Variants in TIAM1 observed in about 807,000 individuals in gnomAD.
TIAM1 encodes rho guanine nucleotide exchange factor TIAM1.
Under a neutral mutation model 163.5 loss-of-function variants are expected in TIAM1, and 65 were observed. The ratio of observed to expected loss-of-function variants is 0.40; its 90% confidence interval spans 0.33 to 0.49. The LOEUF is 0.49. Ranked by LOEUF, TIAM1 falls within the 20% of genes least tolerant of loss-of-function variation. The probability of loss-of-function intolerance (pLI) is 0.77; values close to 1 mark genes in which losing one functional copy is unlikely to be tolerated. For synonymous variants in TIAM1, 833 were observed against 810.1 expected (o/e 1.03, Z -0.48); for missense variants, 1,789 against 2,044.7 (o/e 0.87, Z 2.41).
intron 1 of TIAM1, among the ~76,000 whole-genome samples, chr21:31,471,727 G>A (rs1569361109): frequency 6.6e-6 from 1 of 152,116 alleles, no homozygotes; most frequent in Admixed American, 6.5e-5. Flanking sequence ...AAATTAGCCA[G>A]GCATGGTGGT....
chr21:31,168,096 T>TA (rs1165219520), intron 15 of TIAM1, among the ~76,000 whole-genome samples: 2 of 110,606 alleles, frequency 1.8e-5, no homozygotes, highest in Admixed American at 8.4e-5. Context: ...TTCTTATTAT[T>TA]TTTTTTTTTT....
At chr21:31,123,037 A>G (rs1450529332) in intron 27 of TIAM1, among the ~76,000 whole-genome samples, 3 of 152,246 alleles carry the variant, frequency 2.0e-5, no homozygotes, top group Admixed American at 6.5e-5. Flanking sequence ...AGATCTTTCA[A>G]TCAGCTAAAT....
In TIAM1 at chr21:31,411,959, G is replaced by A. The variant is rs141987508; in HGVS notation, c.-369+52024C>T. Among the ~76,000 whole-genome samples the A allele has an allele frequency of 2.0e-3, 292 of 147,874 alleles. 2 individuals carry two copies. Among genetic ancestry groups the A allele is most frequent in the African/African-American group, 6.9e-3 (283 of 41,298 alleles). On this transcript the variant is annotated intron_variant, in intron 2 of 28. Transcript: ENST00000286827. ...ACGGCTACCCAAAGGAAAAGAAATC[G>A]TTATATCAGAAAGACACCTGCATTT...
intron 2 of TIAM1, among the ~76,000 whole-genome samples, chr21:31,295,276 C>T (rs898172054): frequency 1.3e-5 from 2 of 152,060 alleles, no homozygotes; most frequent in Non-Finnish European, 2.9e-5. Flanking sequence ...CGAGACCATC[C>T]CGGCTAACAC....
chr21:31,201,000 A>G (rs987587585), intron 12 of TIAM1, among the ~76,000 whole-genome samples: 1 of 152,216 alleles, frequency 6.6e-6, no homozygotes, highest in Non-Finnish European at 1.5e-5. Context: ...CAAACAGACT[A>G]AAGAGACCAC....
rs902331335 is a variant in TIAM1, at chr21:31,142,623, T to G, written c.3476-1119A>C. ...TCCAGCCTGAGTGACAGAGGGAGAC[T>G]CCGTCTCAAAAAAAAAAAAAAAAGA... On this transcript the variant is annotated intron_variant, in intron 20 of 27. Transcript: ENST00000541036. Among the ~76,000 whole-genome samples the G allele has an allele frequency of 1.1e-3, 119 of 104,106 alleles. 1 individual carries two copies. The highest frequency in any genetic ancestry group is 4.6e-3 in the African/African-American group (112 of 24,182). 68.3% of individuals were successfully genotyped at this position (104,106 alleles called of 152,430 possible).
intron 19 of TIAM1, among the ~76,000 whole-genome samples, chr21:31,150,715 A>G (rs2083334139): frequency 6.6e-6 from 1 of 152,200 alleles, no homozygotes; most frequent in African/African-American, 2.4e-5. Context: ...TGATTCAAAA[A>G]GGGAAAATTT....
intron 2 of TIAM1, among the ~76,000 whole-genome samples, chr21:31,463,309 T>A (rs1405066983): frequency 2.0e-5 from 3 of 152,302 alleles, no homozygotes; most frequent in Non-Finnish European, 2.9e-5. Flanking sequence ...TTCTTCCTTC[T>A]CGTGGACACA....
Position 31,146,897 on chromosome 21 carries a change from T to C in TIAM1, c.3473A>G (p.Lys1158Arg), listed in dbSNP as rs773871605. The C allele has an allele frequency of 6.2e-7, 1 of 1,613,814 alleles. No individual in the cohort carries two copies. The highest frequency in any genetic ancestry group is 2.2e-5 in the East Asian group (1 of 44,862). The change falls in exon 20 of 28, where the codon AAA becomes AGA. Residue 1158 changes from lysine (K) to arginine (R), a missense_variant and splice_region_variant. By Grantham distance (26) the Lys-to-Arg change is conservative (BLOSUM62 2). Coordinates refer to ENST00000541036, the MANE Select transcript of TIAM1 (RefSeq NM_001353694.2). ...CTCCACATCCTCAGAGGCCTTACCT[T>C]TCACCAGGACCTTGGGAACTTTTGT... ...SHTKVPKVLV[K>R]AKTDTAFKAF...
intron 2 of TIAM1, among the ~76,000 whole-genome samples, chr21:31,455,932 C>T: frequency 6.6e-6 from 1 of 152,158 alleles, no homozygotes; most frequent in East Asian, 1.9e-4. Flanking sequence ...TTACAAAGGA[C>T]ATTCCAGGAA....
chr21:31,261,263 T>TTC lies in TIAM1; in HGVS notation c.963+4746_963+4747insGA, dbSNP rs1491526226. Among the ~76,000 whole-genome samples, 37 of 33,334 alleles carry TTC rather than the reference T, an allele frequency of 1.1e-3. No homozygotes were observed. In the South Asian group the frequency reaches 0.065, roughly 59 times the overall value. The allele number at this position is 33,334 out of a possible 152,430, so 21.9% of individuals were successfully genotyped here. A position where few individuals can be genotyped will look rare whatever the true frequency, so the allele number is the denominator to read the frequency against. ...AATAATTTTCTTTTCAGCCAAGTCC[T>TTC]TTTTTTTTTTTTTTGTATCTGTACC... On this transcript the variant is annotated intron_variant, in intron 4 of 27. Transcript: ENST00000541036.
chr21:31,229,633 G>C (rs1188577057), intron 6 of TIAM1, among the ~76,000 whole-genome samples: 1 of 151,082 alleles, frequency 6.6e-6, no homozygotes, highest in South Asian at 2.1e-4. Context: ...TTAGATTTTA[G>C]GGGAGTTCGT....
intron 2 of TIAM1, among the ~76,000 whole-genome samples, chr21:31,412,040 C>CT (rs2077367971): frequency 6.6e-6 from 1 of 152,122 alleles, no homozygotes; most frequent in African/African-American, 2.4e-5. Flanking sequence ...ACCTCGGTGT[C>CT]TATCAACAGA....
intron 15 of TIAM1, among the ~76,000 whole-genome samples, chr21:31,175,963 C>T (rs1010503850): frequency 2.6e-5 from 4 of 152,146 alleles, no homozygotes; most frequent in Non-Finnish European, 5.9e-5. Flanking sequence ...TATTGATGTT[C>T]CCTGCAACAT....
At chr21:31,155,751 T>C (rs1180362491) in intron 16 of TIAM1, among the ~76,000 whole-genome samples, 2 of 152,212 alleles carry the variant, frequency 1.3e-5, no homozygotes, top group African/African-American at 4.8e-5. Flanking sequence ...TCCACCCGCC[T>C]TGGCCTCCCA....
intron 2 of TIAM1, among the ~76,000 whole-genome samples, chr21:31,425,943 G>A (rs969367465): frequency 4.6e-5 from 7 of 152,070 alleles, no homozygotes; most frequent in Non-Finnish European, 1.0e-4. Flanking sequence ...ATGTTGGCCA[G>A]GCTGGTCTCA....
At chr21:31,424,768 T>C (rs1023885826) in intron 2 of TIAM1, among the ~76,000 whole-genome samples, 2 of 152,186 alleles carry the variant, frequency 1.3e-5, no homozygotes, top group African/African-American at 2.4e-5. Flanking sequence ...AGTGCTAAGA[T>C]GGGCTGGCGC....
Position 31,210,047 on chromosome 21 carries a change from T to G in TIAM1, c.2386A>C (p.Lys796Gln). 6.2e-7 allele frequency: 1 copy of G among 1,613,412 alleles called. No individual in the cohort carries two copies. The highest frequency in any genetic ancestry group is 8.5e-7 in the Non-Finnish European group (1 of 1,179,772). The change falls in exon 11 of 28, where the codon AAG (lysine) becomes CAG (glutamine). Residue 796 changes from lysine (K) to glutamine (Q), a missense_variant and splice_region_variant. Transcript: ENST00000541036. ...AACAACCCAAAGCAGCTCCATACCTTGCAAATCAGCTCCAGGGTGTCCCGT... is the reference window on the plus strand; with the variant it reads ...AACAACCCAAAGCAGCTCCATACCTGGCAAATCAGCTCCAGGGTGTCCCGT... The part of the protein sequence containing the change: ...TARDTLELIC[K>Q]THQLDHSAHY...
rs1472448843 is a variant in TIAM1, at chr21:31,395,167, G to A, written c.-368-55745C>T. On this transcript the variant is annotated intron_variant, in intron 2 of 28. Transcript: ENST00000286827. The surrounding 1 kb of genome is among the most constrained non-coding windows in gnomAD (Gnocchi z 7.5). Reference sequence around the variant, plus strand: ...GCACCAGAATTGCTTGAGCCTGGGAGGCAGAGGTTGCAGTAAGCTGAGATC... The same window carrying A: ...GCACCAGAATTGCTTGAGCCTGGGAAGCAGAGGTTGCAGTAAGCTGAGATC... Among the ~76,000 whole-genome samples, 1 of 152,030 alleles carries A rather than the reference G, an allele frequency of 6.6e-6. No homozygotes were observed. Among genetic ancestry groups the A allele is most frequent in the African/African-American group, 2.4e-5 (1 of 41,412 alleles).
Sources: allele counts gnomAD v4.1 joint callset (sites outside exome capture counted in the v4.1 genomes callset), GRCh38; gene constraint gnomAD v4.1.1; non-coding constraint Gnocchi (gnomAD v3.1); transcripts MANE v1.5; gene names NCBI Gene and HGNC (gene_info 2026-07-23, HGNC 2026-07-21).